Variants in GPAT4 observed in about 807,000 individuals in gnomAD.
GPAT4 encodes the protein glycerol-3-phosphate acyltransferase 4, also known as 1-AGP acyltransferase 6.
A neutral mutation model predicts 58.0 loss-of-function variants in GPAT4; 17 were observed. The observed-to-expected ratio is 0.29, with a 90% CI of 0.20 to 0.44. GPAT4 has a LOEUF of 0.44. GPAT4 is among the 20% of genes least tolerant of loss of function. The probability of loss-of-function intolerance (pLI) is 1.00; values close to 1 mark genes in which losing one functional copy is unlikely to be tolerated. For missense variants in GPAT4, 377 were observed against 574.5 expected (o/e 0.66, Z 3.51); for synonymous variants, 204 against 210.1 (o/e 0.97, Z 0.25).
At chr8:41,585,875 T>C (rs1802638992) in intron 1 of GPAT4, among the ~76,000 whole-genome samples, 1 of 152,246 alleles carries the variant, frequency 6.6e-6, no homozygotes, top group African/African-American at 2.4e-5. Flanking sequence ...ATAATGTATC[T>C]GCCACTCTGC....
rs1416576424 is a variant in GPAT4 at position 41,612,932 on chromosome 8, G to C, written c.883G>C (p.Val295Leu). 2 of 1,614,086 alleles carry C rather than the reference G, an allele frequency of 1.2e-6. No individual in the cohort carries two copies. Among genetic ancestry groups the C allele is most frequent in the Non-Finnish European group, 1.7e-6 (2 of 1,180,044 alleles). The change falls in exon 8 of 13, where the codon GTG (valine) becomes CTG (leucine). Residue 295 changes from valine to leucine, a missense_variant. Transcript: ENST00000396987. ...CPHVWFERSE[V>L]KDRHLVAKRL... is the part of the protein sequence containing the mutation. ...ACACGTCTGGTTTGAGCGCTCGGAA[G>C]TGAAGGATCGCCACCTGGTGGCTAA...
intron 1 of GPAT4, among the ~76,000 whole-genome samples, chr8:41,578,757 G>C (rs573778503): frequency 6.6e-6 from 1 of 152,174 alleles, no homozygotes; most frequent in Non-Finnish European, 1.5e-5. Flanking sequence ...TTTTCTTTAG[G>C]ATTTCTTAAC....
intron 4 of GPAT4, 79 bp from the exon 5 acceptor site, chr8:41,610,657 C>T: frequency 6.3e-7 from 1 of 1,584,324 alleles, no homozygotes; most frequent in Non-Finnish European, 8.6e-7. Flanking sequence ...TGTGATGCCC[C>T]CTTTGATTTT....
At chr8:41,593,741 C>T (rs1005027306) in intron 1 of GPAT4, among the ~76,000 whole-genome samples, 2 of 152,158 alleles carry the variant, frequency 1.3e-5, no homozygotes, top group African/African-American at 4.8e-5. Flanking sequence ...GCTGGTTTAC[C>T]GGAAATTCTG....
At chr8:41,610,590 C>T (rs1414807426) in intron 4 of GPAT4, 146 bp from the exon 5 acceptor site, 2 of 1,530,634 alleles carry the variant, frequency 1.3e-6, no homozygotes, top group African/African-American at 2.8e-5. Flanking sequence ...GGCCTGCTTA[C>T]ATTTCTAGGT....
intron 1 of GPAT4, among the ~76,000 whole-genome samples, chr8:41,590,080 G>A (rs1802751203): frequency 6.6e-5 from 10 of 151,984 alleles, no homozygotes; most frequent in Admixed American, 6.5e-4. Context: ...AGATCTTGAT[G>A]GTTTTCTCTA....
intron 1 of GPAT4, among the ~76,000 whole-genome samples, chr8:41,594,897 A>G (rs1802885783): frequency 6.6e-6 from 1 of 151,944 alleles, no homozygotes; most frequent in African/African-American, 2.4e-5. Context: ...AGAATTTACC[A>G]TATAGCTTTT....
chr8:41,613,235 A>T (rs1454815810), intron 8 of GPAT4, among the ~76,000 whole-genome samples: 1 of 152,134 alleles, frequency 6.6e-6, no homozygotes, highest in African/African-American at 2.4e-5. Flanking sequence ...CAAAATACTA[A>T]AAATGCAAAA....
Position 41,602,765 on chromosome 8 carries a change from T to C in GPAT4, c.165+3461T>C, listed in dbSNP as rs1368124954. Among the ~76,000 whole-genome samples the C allele has an allele frequency of 2.0e-5, 3 of 152,350 alleles. No homozygotes were observed. In the East Asian group the frequency reaches 5.8e-4, roughly 29 times the overall value. ...AACGAACTACCATGGGTTGGGTGGCTTAAAAAACACGTTTAGTTTTTACAT... is the reference window on the plus strand; with the variant it reads ...AACGAACTACCATGGGTTGGGTGGCCTAAAAAACACGTTTAGTTTTTACAT... On this transcript the variant is annotated intron_variant, in intron 2 of 12. Transcript: ENST00000396987.
chr8:41,600,868 C>T (rs1270034510), intron 2 of GPAT4, among the ~76,000 whole-genome samples: 1 of 152,150 alleles, frequency 6.6e-6, no homozygotes, highest in African/African-American at 2.4e-5. Context: ...CCTTTTGTGT[C>T]TGGCTTCTTT....
At position 41,609,736 on chromosome 8, in the gene GPAT4, A is replaced by G. The variant is rs1287235071; in HGVS notation, c.317A>G (p.Asn106Ser). 6.2e-7 allele frequency: 1 copy of G among 1,614,104 alleles called. No homozygotes were observed. Among genetic ancestry groups the G allele is most frequent in the South Asian group, 1.1e-5 (1 of 91,082 alleles). The part of the protein sequence containing the change: ...RRSGSSKALD[N>S]TPEFELSDIF... The stretch of plus-strand genomic sequence containing the variant: ...AGTGGTAGTAGTAAGGCTCTGGACA[A>G]CACTCCAGAGTTCGAGCTCTCTGAC... The change falls in exon 4 of 13, where the codon AAC (asparagine) becomes AGC (serine). Residue 106 changes from asparagine to serine, a missense_variant. Asn to Ser is a conservative substitution (Grantham distance 46, BLOSUM62 1). Coordinates refer to ENST00000396987, the MANE Select transcript of GPAT4 (RefSeq NM_178819.4).
chr8:41,617,024 A>C (rs1400768425), intron 10 of GPAT4, among the ~76,000 whole-genome samples: 1 of 152,082 alleles, frequency 6.6e-6, no homozygotes, highest in East Asian at 1.9e-4. Flanking sequence ...GGGTTCTCAC[A>C]CTCTGGTGAC....
At chr8:41,603,847 C>G (rs1486347061) in intron 2 of GPAT4, among the ~76,000 whole-genome samples, 1 of 152,092 alleles carries the variant, frequency 6.6e-6, no homozygotes, top group Non-Finnish European at 1.5e-5. Context: ...CACCAGCCAC[C>G]CCACACTGGA....
At chr8:41,586,078 C>T (rs1563267811) in intron 1 of GPAT4, among the ~76,000 whole-genome samples, 1 of 152,264 alleles carries the variant, frequency 6.6e-6, no homozygotes, top group Non-Finnish European at 1.5e-5. Flanking sequence ...TTTTAGCTAT[C>T]ACTCTTGTAT....
intron 8 of GPAT4, among the ~76,000 whole-genome samples, chr8:41,614,182 G>T (rs1420020236): frequency 6.6e-6 from 1 of 152,180 alleles, no homozygotes; most frequent in Non-Finnish European, 1.5e-5. Context: ...ACAGTTCTGT[G>T]AATTAAATGG....
intron 1 of GPAT4, among the ~76,000 whole-genome samples, chr8:41,578,990 G>A (rs1802438440): frequency 6.6e-6 from 1 of 152,136 alleles, no homozygotes; most frequent in South Asian, 2.1e-4. Flanking sequence ...GGATAACCTT[G>A]AGGTCATTTG....
chr8:41,609,735 A>G lies in GPAT4; in HGVS notation c.316A>G (p.Asn106Asp), dbSNP rs1803386755. The change falls in exon 4 of 13, where the codon AAC becomes GAC. Residue 106 changes from asparagine (N) to aspartate (D), a missense_variant. By Grantham distance (23) the Asn-to-Asp change is conservative. Coordinates refer to ENST00000396987, the MANE Select transcript of GPAT4 (RefSeq NM_178819.4). ...AAGTGGTAGTAGTAAGGCTCTGGACAACACTCCAGAGTTCGAGCTCTCTGA... is the reference window on the plus strand; with the variant it reads ...AAGTGGTAGTAGTAAGGCTCTGGACGACACTCCAGAGTTCGAGCTCTCTGA... ...RRSGSSKALD[N>D]TPEFELSDIF... 1 of 1,614,096 alleles carries G rather than the reference A, an allele frequency of 6.2e-7. No homozygotes were observed. The highest frequency in any genetic ancestry group is 1.7e-5 in the Admixed American group (1 of 60,030).
chr8:41,609,714 G>A lies in GPAT4; in HGVS notation c.295G>A (p.Gly99Ser), dbSNP rs557789924. The A allele has an allele frequency of 1.9e-6, 3 of 1,614,060 alleles. No individual in the cohort carries two copies. Among genetic ancestry groups the A allele is most frequent in the African/African-American group, 1.3e-5 (1 of 75,028 alleles). Reference sequence around the variant, plus strand: ...AGAGATCAAAGAGATTCGTCGAAGTGGTAGTAGTAAGGCTCTGGACAACAC... The same window carrying A: ...AGAGATCAAAGAGATTCGTCGAAGTAGTAGTAGTAAGGCTCTGGACAACAC... ...EEEIKEIRRS[G>S]SSKALDNTPE... Residue 99 changes from glycine to serine, a missense_variant, in exon 4 of 13, where the codon GGT (glycine) becomes AGT (serine). Physicochemically the swap from Gly to Ser is moderately conservative, Grantham distance 56. Transcript: ENST00000396987.
intron 9 of GPAT4, 130 bp downstream of exon 9, chr8:41,614,571 C>G: frequency 2.2e-6 from 2 of 919,204 alleles, no homozygotes; most frequent in Non-Finnish European, 3.4e-6. Context: ...TGTTAGGTCC[C>G]CTTTAGGTTG....
Sources: allele counts gnomAD v4.1 joint callset (sites outside exome capture counted in the v4.1 genomes callset), GRCh38; gene constraint gnomAD v4.1.1; transcripts MANE v1.5; gene names NCBI Gene and HGNC (gene_info 2026-07-23, HGNC 2026-07-21).